The following KAT6A variants were observed in gnomAD, a reference collection of about 807,000 sequenced individuals.
KAT6A encodes lysine acetyltransferase 6A, also known as histone acetyltransferase KAT6A.
KAT6A carries 9 observed loss-of-function variants against 198.4 expected under a neutral mutation model. The ratio of observed to expected loss-of-function variants is 0.05; its 90% CI spans 0.03 to 0.08. The LOEUF is 0.08. Ranked by LOEUF, KAT6A falls within the 10% of genes least tolerant of loss-of-function variation. The pLI is 1.00. For synonymous variants in KAT6A, 890 were observed against 883.0 expected, an observed-to-expected ratio of 1.01 and a Z score of -0.14; for missense variants, 2,077 against 2,509.9, an observed-to-expected ratio of 0.83 and a Z score of 3.69.
chr8:41,950,229 A>G (rs1238487356), intron 9 of KAT6A, among the ~76,000 whole-genome samples: 3 of 152,148 alleles, frequency 2.0e-5, no homozygotes, highest in African/African-American at 7.2e-5. Flanking sequence ...TTCAAGAGGA[A>G]CCACTAGATA....
intron 2 of KAT6A, among the ~76,000 whole-genome samples, chr8:42,018,791 C>T (rs989868414): frequency 2.0e-5 from 3 of 151,938 alleles, no homozygotes; most frequent in Non-Finnish European, 4.4e-5. Context: ...GCGTGGTGGC[C>T]ACCCCTATAA....
At chr8:41,965,912 A>T (rs1823460049) in intron 8 of KAT6A, among the ~76,000 whole-genome samples, 1 of 152,156 alleles carries the variant, frequency 6.6e-6, no homozygotes, top group East Asian at 1.9e-4. Context: ...GTGTTAAGGC[A>T]TTTACCCATT....
chr8:42,043,249 A>AT (rs1322229137), intron 2 of KAT6A, among the ~76,000 whole-genome samples: 1 of 152,230 alleles, frequency 6.6e-6, no homozygotes, highest in African/African-American at 2.4e-5. Flanking sequence ...CCTTACAGTA[A>AT]TATCTATATT....
At chr8:42,021,123 T>C (rs1826511390) in intron 2 of KAT6A, among the ~76,000 whole-genome samples, 1 of 152,164 alleles carries the variant, frequency 6.6e-6, no homozygotes, top group Non-Finnish European at 1.5e-5. Context: ...ATTGTTTAAA[T>C]ATTTTGCCTT....
intron 10 of KAT6A, among the ~76,000 whole-genome samples, chr8:41,948,430 C>A (rs1332850089): frequency 6.6e-6 from 1 of 152,158 alleles, no homozygotes; most frequent in Non-Finnish European, 1.5e-5. Context: ...CGCAGAAGCA[C>A]CAAGCGGGTT....
At chr8:42,024,357 C>T (rs911725929) in intron 2 of KAT6A, among the ~76,000 whole-genome samples, 2 of 152,124 alleles carry the variant, frequency 1.3e-5, no homozygotes, top group African/African-American at 2.4e-5. Context: ...ATGAGGTACA[C>T]GTGATATTTT....
rs971400801 is a variant in KAT6A, at chr8:41,936,223, T to C, written c.3352+1033A>G. Among the ~76,000 whole-genome samples, 3 of 152,026 alleles carry C rather than the reference T, an allele frequency of 2.0e-5. 1 individual carries two copies. The highest frequency in any genetic ancestry group is 1.9e-4 in the East Asian group (1 of 5,186). On this transcript the variant is annotated intron_variant, in intron 16 of 16. Transcript: ENST00000265713. ...TTGCAGTGAGCTGAGACTGTGCCACTGCACTCCCACCTGGGTGACAGAGGG... is the reference window on the plus strand; with the variant it reads ...TTGCAGTGAGCTGAGACTGTGCCACCGCACTCCCACCTGGGTGACAGAGGG...
intron 8 of KAT6A, among the ~76,000 whole-genome samples, chr8:41,962,532 G>A (rs1321400445): frequency 2.6e-5 from 4 of 151,788 alleles, no homozygotes; most frequent in African/African-American, 9.7e-5. Context: ...CTACCACCAT[G>A]ATCCAAACAC....
chr8:41,940,259 CATT>C (rs1274617554), intron 15 of KAT6A, among the ~76,000 whole-genome samples: 1 of 152,132 alleles, frequency 6.6e-6, no homozygotes. Flanking sequence ...AATTGGCTAT[CATT>C]ATGATGGAAT....
Position 41,995,969 on chromosome 8 carries a change from C to T in KAT6A, c.601-8406G>A, listed in dbSNP as rs188045411. Among the ~76,000 whole-genome samples, 18 of 152,258 alleles carry T rather than the reference C, an allele frequency of 1.2e-4. No homozygotes were observed. The East Asian group carries it at 1.9e-3, about 16-fold the overall frequency. The stretch of plus-strand genomic sequence containing the variant: ...GGGATTACAGGAGTGAGCCACCACG[C>T]CCGGTCCCAATTTTCATTTCTTTCC... On this transcript the variant is annotated intron_variant, in intron 2 of 16. Coordinates refer to ENST00000265713, the MANE Select transcript of KAT6A (RefSeq NM_006766.5).
chr8:41,949,215 A>G lies in KAT6A; in HGVS notation c.1740+7T>C. 1 of 1,505,124 alleles carries G rather than the reference A, an allele frequency of 6.6e-7. No homozygotes were observed. The highest frequency in any genetic ancestry group is 8.9e-7 in the Non-Finnish European group (1 of 1,129,846). 93.2% of individuals were successfully genotyped at this position (1,505,124 alleles called of 1,614,324 possible). ...ATGAGAGGACAATTACTAAGTATCT[A>G]CCTTACCTCAAAGACAGAAATATTA... On this transcript the variant is annotated splice_region_variant and intron_variant, in intron 10 of 16. Transcript: ENST00000265713.
chr8:41,960,084 T>C (rs1385202685), intron 8 of KAT6A, among the ~76,000 whole-genome samples: 2 of 146,744 alleles, frequency 1.4e-5, no homozygotes, highest in South Asian at 2.2e-4. Context: ...ATTCTACTTA[T>C]GGTACCTAGA....
chr8:41,978,037 A>G (rs1275286262), intron 6 of KAT6A, among the ~76,000 whole-genome samples: 1 of 152,256 alleles, frequency 6.6e-6, no homozygotes, highest in Non-Finnish European at 1.5e-5. Context: ...AAAACTAGCT[A>G]CTGAATCTTG....
chr8:42,036,631 T>C, intron 2 of KAT6A, among the ~76,000 whole-genome samples: 1 of 147,398 alleles, frequency 6.8e-6, no homozygotes, highest in Middle Eastern at 3.5e-3. Flanking sequence ...AAGGAGAAGG[T>C]GGTAAATGGC....
chr8:41,941,372 C>T lies in KAT6A; in HGVS notation c.2509G>A (p.Val837Ile). ...CGTGTAGAACTGACTGGAGCCATAA[C>T]TTCTGGTTTCTTTTCACTTTCTACT... The part of the protein sequence containing the change: ...YSVESEKKPE[V>I]MAPVSSTRLS... The change falls in exon 15 of 17, where the codon GTT becomes ATT. Residue 837 changes from valine (V) to isoleucine (I), a missense_variant. By Grantham distance (29) the Val-to-Ile change is conservative. Transcript: ENST00000265713. The T allele has an allele frequency of 6.2e-7, 1 of 1,611,012 alleles. No homozygotes were observed. The highest frequency in any genetic ancestry group is 8.5e-7 in the Non-Finnish European group (1 of 1,179,920).
chr8:41,932,984 G>C lies in KAT6A; in HGVS notation c.5236C>G (p.Gln1746Glu). Residue 1746 changes from glutamine (Q) to glutamate (E), a missense_variant, in exon 17 of 17, where the codon CAA (glutamine) becomes GAA (glutamate). Gln to Glu is a conservative substitution (Grantham distance 29, BLOSUM62 2). Around this residue, in one of 13 missense-constraint regions of KAT6A, gnomAD observed 500 missense variants for 577.2 expected, o/e 0.87. Coordinates refer to ENST00000265713, the MANE Select transcript of KAT6A (RefSeq NM_006766.5). ...GCTAGGCTGAAGGTGGCTGATGGTT[G>C]AGAGTAGCTGCCGGCACCAAAATCC... Reference protein sequence around the residue: ...PGDFGAGSYSQPSATFSLAKL... With the variant: ...PGDFGAGSYSEPSATFSLAKL... 5 of 1,614,158 alleles carry C rather than the reference G, an allele frequency of 3.1e-6. No homozygotes were observed. The highest frequency in any genetic ancestry group is 4.2e-6 in the Non-Finnish European group (5 of 1,180,016).
intron 2 of KAT6A, among the ~76,000 whole-genome samples, chr8:42,029,730 T>C (rs957815108): frequency 3.3e-5 from 5 of 151,956 alleles, no homozygotes; most frequent in African/African-American, 1.2e-4. Flanking sequence ...AATGCTGGGA[T>C]TGATTACAGG....
chr8:41,951,927 T>C (rs939491629), intron 9 of KAT6A, among the ~76,000 whole-genome samples: 1 of 152,196 alleles, frequency 6.6e-6, no homozygotes. Context: ...GCCCAGTGAT[T>C]AATGGTTATG....
chr8:41,980,541 G>A (rs945445562), intron 5 of KAT6A, among the ~76,000 whole-genome samples: 2 of 152,030 alleles, frequency 1.3e-5, no homozygotes, highest in African/African-American at 4.8e-5. Flanking sequence ...GATATTTCAA[G>A]ATATATTTAA....
Sources: gnomAD v4.1 joint callset for allele counts (sites outside exome capture counted in the v4.1 genomes callset) on GRCh38, gnomAD v4.1.1 for gene constraint, gnomAD v4.1.1 regional missense constraint, MANE v1.5 for transcripts, NCBI Gene and HGNC (gene_info 2026-07-23, HGNC 2026-07-21) for gene names.